The following MINPP1 variants were observed in gnomAD, a reference collection of about 807,000 sequenced individuals.
The protein encoded by MINPP1 is multiple inositol-polyphosphate phosphatase 1.
In MINPP1, 28 loss-of-function variants were observed where a neutral mutation model predicts 46.1. That is an observed-to-expected ratio of 0.61 (90% CI 0.45 to 0.83). MINPP1 has a LOEUF of 0.83. Among genes scored for constraint, MINPP1 ranks in the 40% least tolerant of loss-of-function variants. The probability of loss-of-function intolerance (pLI) is 0.00; values close to 1 mark genes in which losing one functional copy is unlikely to be tolerated. For missense variants in MINPP1, 603 were observed against 610.0 expected (o/e 0.99, Z 0.12); for synonymous variants, 268 against 249.1 (o/e 1.08, Z -0.72).
chr10:87,519,196 A>C (rs1333151727), intron 3 of MINPP1, among the ~76,000 whole-genome samples: 5 of 152,214 alleles, frequency 3.3e-5, no homozygotes, highest in Admixed American at 6.5e-5. Flanking sequence ...TACATATCAT[A>C]ATACCACAGG....
chr10:87,509,959 A>C (rs1851311746), intron 2 of MINPP1, among the ~76,000 whole-genome samples: 2 of 152,214 alleles, frequency 1.3e-5, no homozygotes, highest in South Asian at 4.1e-4. Flanking sequence ...TTTACTGATG[A>C]AGTAACTGAC....
intron 4 of MINPP1, among the ~76,000 whole-genome samples, chr10:87,538,103 T>C (rs1396266755): frequency 3.0e-5 from 4 of 134,776 alleles, no homozygotes; most frequent in Admixed American, 7.7e-5. Flanking sequence ...TAATTAGCTC[T>C]GCTAATTTTT....
chr10:87,521,232 T>A (rs1173349507), intron 4 of MINPP1, 63 bp downstream of exon 4: 10 of 1,331,926 alleles, frequency 7.5e-6, no homozygotes, highest in Admixed American at 5.5e-5. Flanking sequence ...TGGAAATTTT[T>A]TTATAATGAG....
chr10:87,540,036 T>C (rs773149104), intron 4 of MINPP1, among the ~76,000 whole-genome samples: 1 of 152,220 alleles, frequency 6.6e-6, no homozygotes, highest in Non-Finnish European at 1.5e-5. Context: ...CTGGCTAATT[T>C]TGTGGGGAGT....
At position 87,505,481 on chromosome 10, in the gene MINPP1, A is replaced by G. The variant is rs1382438776; in HGVS notation, c.566A>G (p.Asp189Gly). ...LITSSKHRCM[D>G]SSAAFLQGLW... is the part of the protein sequence containing the mutation. ...ACCAGTTCCAAGCACCGCTGCATGG[A>G]TAGCAGCGCCGCCTTCCTGCAGGGG... Residue 189 changes from aspartate to glycine, a missense_variant, in exon 1 of 5, where the codon GAT (aspartate) becomes GGT (glycine). Around this residue, in one of 3 missense-constraint regions of MINPP1, gnomAD observed 344 missense variants for 381.1 expected, o/e 0.90. Coordinates refer to ENST00000371996, the MANE Select transcript of MINPP1 (RefSeq NM_004897.5). The surrounding 1 kb of genome is among the most constrained non-coding windows in gnomAD (Gnocchi z 4.4). The G allele has an allele frequency of 6.2e-7, 1 of 1,612,910 alleles. No homozygotes were observed. The highest frequency in any genetic ancestry group is 1.3e-5 in the African/African-American group (1 of 75,042).
chr10:87,512,495 C>T (rs571403029), intron 2 of MINPP1, among the ~76,000 whole-genome samples: 1 of 152,090 alleles, frequency 6.6e-6, no homozygotes, highest in Non-Finnish European at 1.5e-5. Flanking sequence ...CCTTTTATAT[C>T]TTTTCTGTAC....
intron 4 of MINPP1, among the ~76,000 whole-genome samples, chr10:87,551,590 A>T (rs1438691907): frequency 6.6e-6 from 1 of 151,900 alleles, no homozygotes; most frequent in African/African-American, 2.4e-5. Flanking sequence ...GGATTACATG[A>T]ATTACCATGT....
Position 87,530,481 on chromosome 10 carries a change from C to T in MINPP1, c.1067+9312C>T, listed in dbSNP as rs1035305861. Reference sequence around the variant, plus strand: ...GCTGGAGTTTGCTGGAGGTCCACTCCAGACCCTGTTTGCCTGGGTATCACC... The same window carrying T: ...GCTGGAGTTTGCTGGAGGTCCACTCTAGACCCTGTTTGCCTGGGTATCACC... On this transcript the variant is annotated intron_variant, in intron 4 of 4. Coordinates refer to ENST00000371996, the MANE Select transcript of MINPP1 (RefSeq NM_004897.5). Among the ~76,000 whole-genome samples, 3 of 152,298 alleles carry T rather than the reference C, an allele frequency of 2.0e-5. No individual in the cohort carries two copies. In the South Asian group the frequency reaches 6.2e-4, roughly 32 times the overall value.
chr10:87,524,280 T>A (rs1423102314), intron 4 of MINPP1, among the ~76,000 whole-genome samples: 1 of 152,198 alleles, frequency 6.6e-6, no homozygotes, highest in Non-Finnish European at 1.5e-5. Flanking sequence ...TTAAACCCCA[T>A]GAGCTAACCT....
At chr10:87,550,250 C>T (rs778565652) in intron 4 of MINPP1, among the ~76,000 whole-genome samples, 5 of 152,092 alleles carry the variant, frequency 3.3e-5, no homozygotes, top group Non-Finnish European at 5.9e-5. Flanking sequence ...GCTGGTCAAA[C>T]TAAATATGGC....
intron 3 of MINPP1, among the ~76,000 whole-genome samples, chr10:87,517,071 G>T (rs1243331183): frequency 6.6e-6 from 1 of 152,128 alleles, no homozygotes; most frequent in East Asian, 1.9e-4. Context: ...AGAGGGCAGA[G>T]GATGGGAAGA....
intron 4 of MINPP1, among the ~76,000 whole-genome samples, chr10:87,534,242 A>G (rs1262670695): frequency 2.0e-5 from 3 of 151,698 alleles, no homozygotes. Flanking sequence ...TAGTAGAGAG[A>G]CAGGGTTTCG....
chr10:87,539,443 A>C (rs1851782649), intron 4 of MINPP1, among the ~76,000 whole-genome samples: 1 of 152,196 alleles, frequency 6.6e-6, no homozygotes, highest in South Asian at 2.1e-4. Flanking sequence ...ATGTAAGTTA[A>C]TTTGAGAACT....
At chr10:87,521,265 C>A in intron 4 of MINPP1, 96 bp downstream of exon 4, 2 of 1,007,482 alleles carry the variant, frequency 2.0e-6, no homozygotes, top group Non-Finnish European at 3.0e-6. Context: ...ATAGTTTTTG[C>A]TTGTGTTTTA....
At chr10:87,507,758 T>C (rs2131798034) in intron 1 of MINPP1, 1 of 819,586 alleles carries the variant, frequency 1.2e-6, no homozygotes, top group Non-Finnish European at 1.5e-6. Flanking sequence ...TAGAAAGTTA[T>C]CTGGGGCTTC....
intron 3 of MINPP1, among the ~76,000 whole-genome samples, 183 bp from the exon 4 acceptor site, chr10:87,520,853 C>T (rs1851490650): frequency 6.6e-6 from 1 of 152,040 alleles, no homozygotes; most frequent in African/African-American, 2.4e-5. Flanking sequence ...TGTGATGCAG[C>T]ATAAATCTCT....
chr10:87,518,041 G>T (rs1300591277), intron 3 of MINPP1, among the ~76,000 whole-genome samples: 8 of 144,996 alleles, frequency 5.5e-5, no homozygotes, highest in African/African-American at 2.1e-4. Context: ...CTCACTGCAA[G>T]CTCCACCTCC....
chr10:87,520,464 C>A (rs1265178033), intron 3 of MINPP1, among the ~76,000 whole-genome samples: 1 of 152,074 alleles, frequency 6.6e-6, no homozygotes, highest in East Asian at 1.9e-4. Context: ...CCAACAGTAC[C>A]CATTTCCCCA....
intron 3 of MINPP1, among the ~76,000 whole-genome samples, chr10:87,514,541 C>T (rs1461024506): frequency 6.6e-6 from 1 of 151,946 alleles, no homozygotes. Context: ...CGTACATTGG[C>T]GTTTTGGAAG....
Sources: allele counts gnomAD v4.1 joint callset (sites outside exome capture counted in the v4.1 genomes callset), GRCh38; gene constraint gnomAD v4.1.1; regional missense constraint gnomAD v4.1.1; non-coding constraint Gnocchi (gnomAD v3.1); transcripts MANE v1.5; gene names NCBI Gene and HGNC (gene_info 2026-07-23, HGNC 2026-07-21).